Variants in CERK observed in about 807,000 individuals in gnomAD.
CERK encodes ceramide kinase.
Under a neutral mutation model 63.4 loss-of-function variants are expected in CERK, and 39 were observed. The ratio of observed to expected loss-of-function variants is 0.61; its 90% CI spans 0.48 to 0.80. The LOEUF (loss-of-function observed/expected upper bound fraction) is 0.80, where lower values mean the gene tolerates loss of function less well. Ranked by LOEUF, CERK falls within the 30% of genes least tolerant of loss-of-function variation. The pLI is 0.00. For missense variants in CERK, 670 were observed against 714.1 expected (o/e 0.94, Z 0.70); for synonymous variants, 302 against 280.0 (o/e 1.08, Z -0.78).
At chr22:46,733,590 G>A (rs985750803) in intron 1 of CERK, among the ~76,000 whole-genome samples, 2 of 150,672 alleles carry the variant, frequency 1.3e-5, no homozygotes, top group Non-Finnish European at 3.0e-5. Context: ...CACCACGCCC[G>A]GCCCTTATCT....
At chr22:46,704,548 C>T (rs1012816800) in intron 6 of CERK, among the ~76,000 whole-genome samples, 1 of 152,100 alleles carries the variant, frequency 6.6e-6, no homozygotes, top group Non-Finnish European at 1.5e-5. Context: ...AGTGACAGGC[C>T]GGGCATGGTG....
At chr22:46,733,106 G>C (rs2082953804) in intron 1 of CERK, among the ~76,000 whole-genome samples, 1 of 149,876 alleles carries the variant, frequency 6.7e-6, no homozygotes, top group Admixed American at 6.6e-5. Context: ...TACTCGGGAG[G>C]CTGAGGCAGG....
chr22:46,699,234 G>A, intron 8 of CERK, 79 bp downstream of exon 8: 1 of 1,452,244 alleles, frequency 6.9e-7, no homozygotes, highest in Non-Finnish European at 9.6e-7. Context: ...ACGGTGCTCA[G>A]TGGATTCAGT....
At chr22:46,715,304 T>A (rs2082861074) in intron 3 of CERK, among the ~76,000 whole-genome samples, 1 of 152,134 alleles carries the variant, frequency 6.6e-6, no homozygotes, top group Non-Finnish European at 1.5e-5. Context: ...GAAACACAAC[T>A]GTTATTATGC....
intron 8 of CERK, among the ~76,000 whole-genome samples, chr22:46,698,933 T>A (rs576052355): frequency 6.6e-6 from 1 of 152,268 alleles, no homozygotes; most frequent in Admixed American, 6.5e-5. Flanking sequence ...TTTTAAAAAC[T>A]ATTTTTTTTC....
chr22:46,702,884 G>T (rs946118150), intron 6 of CERK, among the ~76,000 whole-genome samples: 5 of 152,192 alleles, frequency 3.3e-5, no homozygotes, highest in Admixed American at 3.3e-4. Flanking sequence ...AGCTGTGCTG[G>T]TTCTCAACAT....
chr22:46,718,673 G>A (rs2082877702), intron 3 of CERK, among the ~76,000 whole-genome samples: 1 of 152,190 alleles, frequency 6.6e-6, no homozygotes, highest in African/African-American at 2.4e-5. Context: ...TTAATAAACT[G>A]AAATTCACTT....
chr22:46,733,098 C>T lies in CERK; in HGVS notation c.142+4909G>A, dbSNP rs1428453922. On this transcript the variant is annotated intron_variant, in intron 1 of 12. Coordinates refer to ENST00000216264, the MANE Select transcript of CERK (RefSeq NM_022766.6). ...TGGTGGGTGCCTGTAGTCCCAGCTA[C>T]TCGGGAGGCTGAGGCAGGTGAATGG... 3.3e-5 allele frequency among the ~76,000 whole-genome samples: 5 copies of T among 149,346 alleles called. No individual in the cohort carries two copies. The East Asian group carries it at 1.0e-3, about 30-fold the overall frequency.
intron 9 of CERK, 51 bp from the exon 10 acceptor site, chr22:46,693,554 T>C (rs1442331253): frequency 7.1e-7 from 1 of 1,416,452 alleles, no homozygotes; most frequent in Non-Finnish European, 1.0e-6. Context: ...GCAGGTGCAG[T>C]GCGTATGCTT....
chr22:46,725,506 T>A (rs1260893371), intron 1 of CERK, among the ~76,000 whole-genome samples: 1 of 152,158 alleles, frequency 6.6e-6, no homozygotes, highest in Non-Finnish European at 1.5e-5. Flanking sequence ...TGTGTGGACA[T>A]GCCACAGCAT....
intron 8 of CERK, among the ~76,000 whole-genome samples, chr22:46,695,746 G>A (rs1040668457): frequency 2.0e-5 from 3 of 152,216 alleles, no homozygotes; most frequent in African/African-American, 7.2e-5. Flanking sequence ...GTCAGCCACA[G>A]CCCCTGTGAC....
At chr22:46,697,294 C>CTTCT (rs1385624768) in intron 8 of CERK, among the ~76,000 whole-genome samples, 2 of 152,098 alleles carry the variant, frequency 1.3e-5, no homozygotes, top group South Asian at 4.2e-4. Flanking sequence ...TACATATTTT[C>CTTCT]TTCTTTCTTT....
At chr22:46,708,229 A>G (rs1338989717) in intron 5 of CERK, among the ~76,000 whole-genome samples, 1 of 152,202 alleles carries the variant, frequency 6.6e-6, no homozygotes, top group African/African-American at 2.4e-5. Flanking sequence ...GTGAGTCTGG[A>G]ATTTGGGTGG....
chr22:46,717,043 T>C (rs1469452674), intron 3 of CERK, among the ~76,000 whole-genome samples: 3 of 152,152 alleles, frequency 2.0e-5, no homozygotes, highest in Non-Finnish European at 4.4e-5. Context: ...CAAAAGGCGA[T>C]ATCTGAATGG....
intron 1 of CERK, among the ~76,000 whole-genome samples, chr22:46,724,963 G>A (rs1309077353): frequency 6.6e-6 from 1 of 152,086 alleles, no homozygotes; most frequent in East Asian, 1.9e-4. Context: ...GGGGCTTGCA[G>A]TGAGCCAAGA....
In CERK at chr22:46,738,207, C is replaced by A. The variant is rs2082986005; in HGVS notation, c.-59G>T. On this transcript the variant is annotated 5_prime_UTR_variant, in exon 1 of 13. Coordinates refer to ENST00000216264, the MANE Select transcript of CERK (RefSeq NM_022766.6). ...CGCGCGGACGCCGAGGGGCGCCGGA[C>A]CGTTAGCGGCCCCTGCAGTGGCCCG... 15 of 1,055,184 alleles carry A rather than the reference C, an allele frequency of 1.4e-5. No homozygotes were observed. Among genetic ancestry groups the A allele is most frequent in the East Asian group, 6.9e-5 (1 of 14,518 alleles). The allele number at this position is 1,055,184 out of a possible 1,614,324, so 65.4% of individuals were successfully genotyped here.
At chr22:46,721,821 G>A (rs757009409) in intron 1 of CERK, among the ~76,000 whole-genome samples, 8 of 152,220 alleles carry the variant, frequency 5.3e-5, no homozygotes, top group Non-Finnish European at 8.8e-5. Context: ...CAGGGGCCCA[G>A]GGGATGACAG....
In CERK at chr22:46,720,998, C is replaced by A. The variant is rs754209543; in HGVS notation, c.160G>T (p.Val54Leu). The A allele has an allele frequency of 6.2e-7, 1 of 1,612,698 alleles. No homozygotes were observed. The highest frequency in any genetic ancestry group is 1.7e-5 in the Admixed American group (1 of 59,994). Residue 54 changes from valine (V) to leucine (L), a missense_variant, in exon 2 of 13, where the codon GTA becomes TTA. Coordinates refer to ENST00000216264, the MANE Select transcript of CERK (RefSeq NM_022766.6). ...TCCTCAACGGCGATGATCTCAGATA[C>A]AGGCACAGAGCAGGCATCTGTAAAA... is the stretch of plus-strand genomic sequence containing the variant. The part of the protein sequence containing the change: ...APGADACSVP[V>L]SEIIAVEETD...
intron 1 of CERK, among the ~76,000 whole-genome samples, chr22:46,726,891 T>C (rs1173323260): frequency 1.3e-5 from 2 of 152,124 alleles, no homozygotes; most frequent in African/African-American, 2.4e-5. Flanking sequence ...CTGCGACTTA[T>C]CCAGACGCGA....
Sources: allele counts gnomAD v4.1 joint callset (sites outside exome capture counted in the v4.1 genomes callset), GRCh38; gene constraint gnomAD v4.1.1; transcripts MANE v1.5; gene names NCBI Gene and HGNC (gene_info 2026-07-23, HGNC 2026-07-21).